Variants in MLYCD observed in about 807,000 individuals in gnomAD.
The protein encoded by MLYCD is malonyl-CoA decarboxylase.
A neutral mutation model predicts 35.8 loss-of-function variants in MLYCD; 27 were observed. The ratio of observed to expected loss-of-function variants is 0.75; its 90% CI spans 0.56 to 1.04. The LOEUF (loss-of-function observed/expected upper bound fraction) is 1.04, where lower values mean the gene tolerates loss of function less well. Ranked by LOEUF, MLYCD falls within the 50% of genes least tolerant of loss-of-function variation. The pLI is 0.00. For synonymous variants in MLYCD, 403 were observed against 302.4 expected, an observed-to-expected ratio of 1.33 and a Z score of -3.45; for missense variants, 917 against 665.1, an observed-to-expected ratio of 1.38 and a Z score of -4.17.
At chr16:83,900,356 C>T (rs182138338) in intron 1 of MLYCD, among the ~76,000 whole-genome samples, 6 of 152,204 alleles carry the variant, frequency 3.9e-5, no homozygotes, top group Admixed American at 3.9e-4. Context: ...GATTATGACC[C>T]GAAAGAAGGC....
intron 1 of MLYCD, among the ~76,000 whole-genome samples, chr16:83,902,888 G>T (rs1026480080): frequency 1.3e-5 from 2 of 152,162 alleles, no homozygotes; most frequent in Admixed American, 6.5e-5. Flanking sequence ...GTGGCCTCCT[G>T]AATGTAGAGG....
chr16:83,907,078 A>T lies in MLYCD; in HGVS notation c.620A>T (p.Glu207Val), dbSNP rs2151056698. 1.2e-6 allele frequency: 2 copies of T among 1,614,044 alleles called. No individual in the cohort carries two copies. Among genetic ancestry groups the T allele is most frequent in the Admixed American group, 3.3e-5 (2 of 60,030 alleles). ...LERVTWHSPC[E>V]VLQKISEAEA... The stretch of plus-strand genomic sequence containing the variant: ...CGGGTTACCTGGCATTCACCGTGTG[A>T]AGTGCTTCAGAAAATCAGTGAGTAA... Residue 207 changes from glutamate to valine, a missense_variant, in exon 2 of 5, where the codon GAA (glutamate) becomes GTA (valine). Physicochemically the swap from Glu to Val is moderately radical, Grantham distance 121. Transcript: ENST00000262430.
rs555482480 is a variant in MLYCD at position 83,899,651 on chromosome 16, G to A, written c.507G>A (p.Leu169=). ...TGCTGGAGGCGCAGGCCCTCAAGCT[G>A]GTGGAGGGGCCGGACGTCCGGGTAA... ...ADLLEAQALK[L]VEGPDVREMN... The change falls in exon 1 of 5, where the codon CTG becomes CTA. Residue 169 remains leucine, a synonymous_variant. Transcript: ENST00000262430. 8.4e-4 allele frequency: 1,298 copies of A among 1,541,348 alleles called. 1 individual carries two copies. The highest frequency in any genetic ancestry group is 1.6e-3 in the Admixed American group (83 of 51,974).
Position 83,907,045 on chromosome 16 carries a change from A to C in MLYCD, c.587A>C (p.Asn196Thr). The C allele has an allele frequency of 6.2e-7, 1 of 1,614,218 alleles. No homozygotes were observed. The highest frequency in any genetic ancestry group is 8.5e-7 in the Non-Finnish European group (1 of 1,180,036). The stretch of plus-strand genomic sequence containing the variant: ...GAATGGTTTTCCTCCGGGTTCCTGA[A>C]CCTAGAACGGGTTACCTGGCATTCA... ...LSEWFSSGFL[N>T]LERVTWHSPC... The change falls in exon 2 of 5, where the codon AAC becomes ACC. Residue 196 changes from asparagine to threonine, a missense_variant. Coordinates refer to ENST00000262430, the MANE Select transcript of MLYCD (RefSeq NM_012213.3).
chr16:83,903,938 C>A (rs1026361429), intron 1 of MLYCD, among the ~76,000 whole-genome samples: 1 of 152,162 alleles, frequency 6.6e-6, no homozygotes, highest in Non-Finnish European at 1.5e-5. Flanking sequence ...GTGTTTGTAT[C>A]CTGGCAACGT....
rs1491107468 is a variant in MLYCD at position 83,919,382 on chromosome 16, A to AG, written c.*3894dup. On this transcript the variant is annotated 3_prime_UTR_variant, in exon 5 of 5. Coordinates refer to ENST00000262430, the MANE Select transcript of MLYCD (RefSeq NM_012213.3). Reference sequence around the variant, plus strand: ...ACACACACAGTGCACAGGAGAACACAGTGCACAGGAGAACACACACTGCAC... The same window carrying AG: ...ACACACACAGTGCACAGGAGAACACAGGTGCACAGGAGAACACACACTGCAC... 1 of 147,826 alleles carries AG rather than the reference A, an allele frequency of 6.8e-6. No individual in the cohort carries two copies. The highest frequency in any genetic ancestry group is 1.5e-5 in the Non-Finnish European group (1 of 66,024). 9.2% of individuals were successfully genotyped at this position (147,826 alleles called of 1,614,324 possible).
chr16:83,915,468 T>G lies in MLYCD; in HGVS notation c.1461T>G (p.Phe487Leu). The change falls in exon 5 of 5, where the codon TTT (phenylalanine) becomes TTG (leucine). Residue 487 changes from phenylalanine (F) to leucine (L), a missense_variant. Phe to Leu is a conservative substitution (Grantham distance 22, BLOSUM62 0). Transcript: ENST00000262430. The part of the protein sequence containing the change: ...SEQVLSLVAQ[F>L]QKNSKL ...AGGTCCTCAGCCTAGTGGCCCAGTT[T>G]CAAAAGAACAGCAAGCTCTGACAGT... 6.2e-7 allele frequency: 1 copy of G among 1,612,562 alleles called. No individual in the cohort carries two copies. Among genetic ancestry groups the G allele is most frequent in the Non-Finnish European group, 8.5e-7 (1 of 1,180,002 alleles).
In MLYCD at chr16:83,920,165, C is replaced by G. The variant is rs1451000256; in HGVS notation, c.*4676C>G. The G allele has an allele frequency of 6.6e-6, 1 of 152,260 alleles. No individual in the cohort carries two copies. Among genetic ancestry groups the G allele is most frequent in the African/African-American group, 2.4e-5 (1 of 41,464 alleles). The allele number at this position is 152,260 out of a possible 1,614,324, so 9.4% of individuals were successfully genotyped here. A position where few individuals can be genotyped will look rare whatever the true frequency, so the allele number is the denominator to read the frequency against. ...GAACCTAGTGCACAGAACACACACC[C>G]TGTGCACAGTTTTGTTTTGTTTTGC... On this transcript the variant is annotated 3_prime_UTR_variant, in exon 5 of 5. Transcript: ENST00000262430.
rs1039612328 is a variant in MLYCD at position 83,921,051 on chromosome 16, T to G, written c.*5562T>G. The G allele has an allele frequency of 6.9e-6, 1 of 144,904 alleles. No homozygotes were observed. Among genetic ancestry groups the G allele is most frequent in the African/African-American group, 2.6e-5 (1 of 38,416 alleles). The allele number at this position is 144,904 out of a possible 1,614,324, so 9.0% of individuals were successfully genotyped here. On this transcript the variant is annotated 3_prime_UTR_variant, in exon 5 of 5. Coordinates refer to ENST00000262430, the MANE Select transcript of MLYCD (RefSeq NM_012213.3). Reference sequence around the variant, plus strand: ...GATAGAAGGAAGATGGGTATATGAATAGATGGCTGGGTGGGTGGAAGGAAG... The same window carrying G: ...GATAGAAGGAAGATGGGTATATGAAGAGATGGCTGGGTGGGTGGAAGGAAG...
intron 2 of MLYCD, 95 bp downstream of exon 2, chr16:83,907,194 A>T (rs537407624): frequency 2.3e-5 from 25 of 1,065,400 alleles, no homozygotes; most frequent in Non-Finnish European, 1.4e-5. Flanking sequence ...ATCTCCATTC[A>T]TATGTACAGT....
rs1907679503 is a variant in MLYCD at position 83,922,261 on chromosome 16, C to G, written c.*6772C>G. 2 of 152,190 alleles carry G rather than the reference C, an allele frequency of 1.3e-5. No individual in the cohort carries two copies. Among genetic ancestry groups the G allele is most frequent in the African/African-American group, 2.4e-5 (1 of 41,428 alleles). The allele number at this position is 152,190 out of a possible 1,614,324, so 9.4% of individuals were successfully genotyped here. ...CTCAGGAGCTACTCTGCTCCATTCC[C>G]CCCGTATCCGAGACCTAAGTTCCGG... On this transcript the variant is annotated 3_prime_UTR_variant, in exon 5 of 5. Coordinates refer to ENST00000262430, the MANE Select transcript of MLYCD (RefSeq NM_012213.3).
chr16:83,907,262 A>C (rs1907012942), intron 2 of MLYCD, among the ~76,000 whole-genome samples, 163 bp downstream of exon 2: 1 of 152,186 alleles, frequency 6.6e-6, no homozygotes, highest in Non-Finnish European at 1.5e-5. Flanking sequence ...GGCTGTCACC[A>C]CACATGATAC....
intron 1 of MLYCD, among the ~76,000 whole-genome samples, chr16:83,904,731 G>A (rs141366247): frequency 1.9e-3 from 294 of 152,342 alleles, no homozygotes; most frequent in South Asian, 4.1e-3. Context: ...GCTTAAATCC[G>A]TTTTCAAACA....
chr16:83,911,233 C>T (rs1465695448), intron 3 of MLYCD, among the ~76,000 whole-genome samples: 2 of 152,192 alleles, frequency 1.3e-5, no homozygotes, highest in Non-Finnish European at 2.9e-5. Flanking sequence ...CCGCCTCGGC[C>T]TCCCAAAGTG....
In MLYCD at chr16:83,915,835, CA is replaced by C; in HGVS notation, c.*347del. ...TGTGCAGCCTCTGCCATTGCCATCCCAGGGGGATCTGGCATCCTCCTAAGGA... is the reference window on the plus strand; with the variant it reads ...TGTGCAGCCTCTGCCATTGCCATCCCGGGGGATCTGGCATCCTCCTAAGGA... On this transcript the variant is annotated 3_prime_UTR_variant, in exon 5 of 5. Transcript: ENST00000262430. 1.6e-6 allele frequency: 2 copies of C among 1,224,232 alleles called. No homozygotes were observed. The highest frequency in any genetic ancestry group is 2.1e-6 in the Non-Finnish European group (2 of 968,266). 75.8% of individuals were successfully genotyped at this position (1,224,232 alleles called of 1,614,324 possible).
intron 1 of MLYCD, among the ~76,000 whole-genome samples, chr16:83,903,681 G>A (rs568941663): frequency 5.9e-5 from 9 of 152,266 alleles, no homozygotes; most frequent in South Asian, 2.1e-4. Context: ...GCAGTGGCAC[G>A]CACCTGTAGT....
rs1365077781 is a variant in MLYCD at position 83,916,115 on chromosome 16, A to G, written c.*626A>G. 5 of 993,878 alleles carry G rather than the reference A, an allele frequency of 5.0e-6. No homozygotes were observed. The highest frequency in any genetic ancestry group is 6.0e-6 in the Non-Finnish European group (5 of 833,872). 61.6% of individuals were successfully genotyped at this position (993,878 alleles called of 1,614,324 possible). A position where few individuals can be genotyped will look rare whatever the true frequency, so the allele number is the denominator to read the frequency against. On this transcript the variant is annotated 3_prime_UTR_variant, in exon 5 of 5. Transcript: ENST00000262430. Reference sequence around the variant, plus strand: ...GCATAAGTTGGATAATAGGCTTTAAATGATCAGGGATTCAGGTTCATAATG... The same window carrying G: ...GCATAAGTTGGATAATAGGCTTTAAGTGATCAGGGATTCAGGTTCATAATG...
Position 83,908,110 on chromosome 16 carries a change from A to G in MLYCD, c.642-16A>G, listed in dbSNP as rs548228436. ...AATTATGCATTTGTCTTGTCTCTTT[A>G]TAAATTCCGCCCCAGGGCTGAGGCT... On this transcript the variant is annotated splice_polypyrimidine_tract_variant and intron_variant, in intron 2 of 4. Coordinates refer to ENST00000262430, the MANE Select transcript of MLYCD (RefSeq NM_012213.3). 4 of 1,614,186 alleles carry G rather than the reference A, an allele frequency of 2.5e-6. No homozygotes were observed. The highest frequency in any genetic ancestry group is 2.7e-5 in the African/African-American group (2 of 75,060).
At chr16:83,901,914 A>G (rs72791517) in intron 1 of MLYCD, among the ~76,000 whole-genome samples, 32,660 of 151,874 alleles carry the variant, frequency 0.22, 4,374 homozygotes, top group African/African-American at 0.38. Context: ...ATGAATAACG[A>G]CAGTCTGATC....
Sources: gnomAD v4.1 joint callset for allele counts (sites outside exome capture counted in the v4.1 genomes callset) on GRCh38, gnomAD v4.1.1 for gene constraint, MANE v1.5 for transcripts, NCBI Gene and HGNC (gene_info 2026-07-23, HGNC 2026-07-21) for gene names.